Variants in ATG10 observed in about 807,000 individuals in gnomAD.
ATG10 encodes ubiquitin-like-conjugating enzyme ATG10.
ATG10 carries 30 observed loss-of-function variants against 32.1 expected under a neutral mutation model. The observed-to-expected ratio is 0.94, with a 90% CI of 0.70 to 1.27. The LOEUF (loss-of-function observed/expected upper bound fraction) is 1.27. Ranked by LOEUF, ATG10 falls within the 50% of genes most tolerant of loss-of-function variation. ATG10 has a pLI of 0.00. For synonymous variants in ATG10, 87 were observed against 91.5 expected, an observed-to-expected ratio of 0.95 and a Z score of 0.28; for missense variants, 233 against 262.3, an observed-to-expected ratio of 0.89 and a Z score of 0.77.
At chr5:82,164,713 T>A (rs903300769) in intron 4 of ATG10, among the ~76,000 whole-genome samples, 176 bp downstream of exon 4, 2 of 152,234 alleles carry the variant, frequency 1.3e-5, no homozygotes, top group East Asian at 3.8e-4. Flanking sequence ...TATCAAGACT[T>A]CAGCGTGAAT....
chr5:82,174,413 C>G (rs1304366620), intron 4 of ATG10, among the ~76,000 whole-genome samples: 1 of 152,186 alleles, frequency 6.6e-6, no homozygotes, highest in African/African-American at 2.4e-5. Flanking sequence ...ACTCTGATTA[C>G]TCAACATATT....
intron 3 of ATG10, among the ~76,000 whole-genome samples, chr5:82,139,210 C>T (rs900313116): frequency 3.2e-4 from 47 of 146,324 alleles, no homozygotes; most frequent in African/African-American, 9.4e-4. Context: ...ACCTCCCAGC[C>T]GCCTGCCTTG....
intron 5 of ATG10, among the ~76,000 whole-genome samples, chr5:82,195,888 G>A (rs1430785240): frequency 1.3e-5 from 2 of 152,154 alleles, no homozygotes; most frequent in African/African-American, 4.8e-5. Flanking sequence ...GTTTTCTTGT[G>A]TATATAACCT....
At chr5:82,154,716 A>G (rs1767741528) in intron 3 of ATG10, among the ~76,000 whole-genome samples, 1 of 152,230 alleles carries the variant, frequency 6.6e-6, no homozygotes, top group African/African-American at 2.4e-5. Flanking sequence ...CTGAAATATT[A>G]TAGTATTATT....
At chr5:82,095,411 T>C (rs1209069871) in intron 3 of ATG10, among the ~76,000 whole-genome samples, 2 of 152,156 alleles carry the variant, frequency 1.3e-5, no homozygotes, top group East Asian at 3.8e-4. Context: ...TTTAAAAAAA[T>C]TGTTTTACAT....
intron 2 of ATG10, among the ~76,000 whole-genome samples, chr5:82,035,896 T>A (rs1262030639): frequency 6.6e-6 from 1 of 151,762 alleles, no homozygotes; most frequent in Non-Finnish European, 1.5e-5. Flanking sequence ...AACAGTATCA[T>A]TTGTCATATA....
chr5:82,080,775 A>G (rs937698754), intron 3 of ATG10, among the ~76,000 whole-genome samples: 1 of 152,156 alleles, frequency 6.6e-6, no homozygotes, highest in South Asian at 2.1e-4. Flanking sequence ...GCCTTGTAGT[A>G]TAGTTTGAAG....
At chr5:82,139,567 G>A (rs1331095917) in intron 3 of ATG10, among the ~76,000 whole-genome samples, 18 of 138,602 alleles carry the variant, frequency 1.3e-4, no homozygotes, top group African/African-American at 3.0e-4. Context: ...GTCTCTGCCC[G>A]GCCGCCCCGT....
intron 3 of ATG10, 101 bp downstream of exon 3, chr5:82,058,703 C>T: frequency 1.4e-6 from 1 of 705,156 alleles, no homozygotes; most frequent in Non-Finnish European, 2.4e-6. Flanking sequence ...TATGGAAGCA[C>T]CACAATTATA....
At chr5:81,995,835 G>C (rs1408535552) in intron 2 of ATG10, among the ~76,000 whole-genome samples, 2 of 152,114 alleles carry the variant, frequency 1.3e-5, no homozygotes, top group African/African-American at 4.8e-5. Context: ...TAAATGTGTA[G>C]GTTATTTAAA....
intron 5 of ATG10, among the ~76,000 whole-genome samples, chr5:82,183,926 C>T (rs546880003): frequency 6.6e-6 from 1 of 152,264 alleles, no homozygotes; most frequent in African/African-American, 2.4e-5. Context: ...CAGTTTACCT[C>T]ATCTTTAGCC....
At chr5:82,109,818 T>C (rs1285097813) in intron 3 of ATG10, among the ~76,000 whole-genome samples, 1 of 151,180 alleles carries the variant, frequency 6.6e-6, no homozygotes, top group East Asian at 1.9e-4. Flanking sequence ...ATATTTTTAT[T>C]ATACTTTTAA....
chr5:82,010,519 TTAAC>T (rs910817956), intron 2 of ATG10, among the ~76,000 whole-genome samples: 8 of 152,236 alleles, frequency 5.3e-5, no homozygotes, highest in South Asian at 2.1e-4. Flanking sequence ...AATTAATTAA[TTAAC>T]TAATTTCTTT....
At chr5:81,986,577 G>C (rs1423838588) in intron 1 of ATG10, among the ~76,000 whole-genome samples, 1 of 151,918 alleles carries the variant, frequency 6.6e-6, no homozygotes, top group Non-Finnish European at 1.5e-5. Flanking sequence ...TACTGAATTT[G>C]AATAATCAGA....
At chr5:82,075,221 A>C (rs1186528230) in intron 3 of ATG10, among the ~76,000 whole-genome samples, 1 of 152,216 alleles carries the variant, frequency 6.6e-6, no homozygotes, top group Non-Finnish European at 1.5e-5. Context: ...CAGTGCCAGC[A>C]AGGACTCTTT....
intron 5 of ATG10, among the ~76,000 whole-genome samples, chr5:82,201,444 A>G (rs2149963129): frequency 1.3e-5 from 2 of 152,300 alleles, no homozygotes; most frequent in South Asian, 4.1e-4. Context: ...CACCTTTGTC[A>G]AAATCAATTG....
chr5:82,084,667 G>A (rs1764606557), intron 3 of ATG10, among the ~76,000 whole-genome samples: 1 of 152,154 alleles, frequency 6.6e-6, no homozygotes, highest in Non-Finnish European at 1.5e-5. Context: ...AAGAGAGTGG[G>A]GGACGGTATT....
intron 3 of ATG10, among the ~76,000 whole-genome samples, chr5:82,135,798 T>C (rs2149848472): frequency 6.6e-6 from 1 of 152,320 alleles, no homozygotes; most frequent in Admixed American, 6.5e-5. Context: ...CTTGTTGATC[T>C]TTCTAATATT....
At chr5:82,015,596 C>T (rs970845251) in intron 2 of ATG10, among the ~76,000 whole-genome samples, 9 of 152,310 alleles carry the variant, frequency 5.9e-5, no homozygotes, top group African/African-American at 2.2e-4. Flanking sequence ...ATCACTGATA[C>T]CCTTTCTTCC....
Sources: allele counts gnomAD v4.1 joint callset (sites outside exome capture counted in the v4.1 genomes callset), GRCh38; gene constraint gnomAD v4.1.1; transcripts MANE v1.5; gene names NCBI Gene and HGNC (gene_info 2026-07-23, HGNC 2026-07-21).